IGF1: variants seen among roughly 807,000 people sequenced by gnomAD.
IGF1 encodes the protein insulin-like growth factor 1.
A neutral mutation model predicts 13.8 loss-of-function variants in IGF1; 4 were observed. The ratio of observed to expected loss-of-function variants is 0.29; its 90% CI spans 0.14 to 0.66. The LOEUF is 0.66. Among genes scored for constraint, IGF1 ranks in the 30% least tolerant of loss-of-function variants. The probability of loss-of-function intolerance (pLI) is 0.78; values close to 1 mark genes in which losing one functional copy is unlikely to be tolerated. For missense variants in IGF1, 124 were observed against 188.5 expected (o/e 0.66, Z 2.00); for synonymous variants, 76 against 72.6 (o/e 1.05, Z -0.23).
chr12:102,457,903 G>T (rs1359072335), intron 2 of IGF1, among the ~76,000 whole-genome samples: 1 of 152,130 alleles, frequency 6.6e-6, no homozygotes, highest in Admixed American at 6.5e-5. Flanking sequence ...TTAGTTTTCT[G>T]CTCTGGCTTT....
intron 2 of IGF1, among the ~76,000 whole-genome samples, chr12:102,421,901 T>C (rs575454134): frequency 1.3e-5 from 2 of 152,306 alleles, no homozygotes; most frequent in Non-Finnish European, 2.9e-5. Context: ...TTAACCTTCA[T>C]CTTGGGATGG....
chr12:102,447,126 AG>A (rs1878421339), intron 2 of IGF1, among the ~76,000 whole-genome samples: 1 of 152,140 alleles, frequency 6.6e-6, no homozygotes. Flanking sequence ...TCATTTGCTA[AG>A]GAGTGTTTTA....
intron 2 of IGF1, among the ~76,000 whole-genome samples, chr12:102,440,650 A>G (rs563043311): frequency 7.9e-5 from 12 of 152,164 alleles, no homozygotes; most frequent in Non-Finnish European, 1.6e-4. Flanking sequence ...TGGTAGCTGG[A>G]CTGCAGGTGA....
At chr12:102,409,548 G>A (rs1276004050) in intron 3 of IGF1, among the ~76,000 whole-genome samples, 2 of 152,292 alleles carry the variant, frequency 1.3e-5, no homozygotes, top group African/African-American at 4.8e-5. Flanking sequence ...TTCTCTACAA[G>A]GACAAATAGC....
chr12:102,435,079 C>T (rs1042823814), intron 2 of IGF1, among the ~76,000 whole-genome samples: 2 of 152,094 alleles, frequency 1.3e-5, no homozygotes, highest in African/African-American at 4.8e-5. Context: ...ATAGAATTTA[C>T]ATTATATTAG....
chr12:102,481,291 G>A (rs534544511), upstream of IGF1, among the ~76,000 whole-genome samples: 1 of 151,816 alleles, frequency 6.6e-6, no homozygotes, highest in African/African-American at 2.4e-5. Flanking sequence ...CTGGGAGAAG[G>A]GTACCTGGGG....
intron 3 of IGF1, among the ~76,000 whole-genome samples, chr12:102,408,532 C>T (rs989442960): frequency 3.3e-5 from 5 of 152,160 alleles, no homozygotes; most frequent in Admixed American, 2.6e-4. Flanking sequence ...ACTTACTGGA[C>T]ACAGTTTTGG....
chr12:102,474,165 A>T (rs1417386638), intron 2 of IGF1, among the ~76,000 whole-genome samples: 1 of 152,226 alleles, frequency 6.6e-6, no homozygotes, highest in African/African-American at 2.4e-5. Flanking sequence ...GGATCATGTG[A>T]TGTCCCACAG....
At chr12:102,452,287 AAAAG>A (rs1879029205) in intron 2 of IGF1, among the ~76,000 whole-genome samples, 1 of 151,122 alleles carries the variant, frequency 6.6e-6, no homozygotes, top group Non-Finnish European at 1.5e-5. Flanking sequence ...AAAAAAAAAA[AAAAG>A]ATATGTCTAC....
At chr12:102,402,615 A>T (rs1313198247) in intron 3 of IGF1, 49 bp from the exon 4 acceptor site, 1 of 779,384 alleles carries the variant, frequency 1.3e-6, no homozygotes, top group Non-Finnish European at 2.4e-6. Context: ...AGTTTTATGT[A>T]TCCATCTATT....
chr12:102,459,656 G>A (rs367868183), intron 2 of IGF1, among the ~76,000 whole-genome samples: 4 of 152,218 alleles, frequency 2.6e-5, no homozygotes, highest in African/African-American at 2.4e-5. Context: ...CAAGGTCACC[G>A]GCTAAAAACT....
intron 2 of IGF1, among the ~76,000 whole-genome samples, chr12:102,472,956 G>A (rs1021056870): frequency 1.3e-5 from 2 of 152,118 alleles, no homozygotes; most frequent in African/African-American, 2.4e-5. Context: ...CACAGTACTT[G>A]ACAACCTTAA....
intron 2 of IGF1, among the ~76,000 whole-genome samples, chr12:102,426,691 A>G (rs1295157500): frequency 6.6e-6 from 1 of 152,226 alleles, no homozygotes; most frequent in African/African-American, 2.4e-5. Context: ...CAAATAATCC[A>G]CTGGTTAAAA....
intron 2 of IGF1, among the ~76,000 whole-genome samples, chr12:102,439,301 C>A (rs773040443): frequency 6.6e-6 from 1 of 152,052 alleles, no homozygotes; most frequent in African/African-American, 2.4e-5. Context: ...CGGATTGATA[C>A]AAAATTGAGT....
intron 2 of IGF1, among the ~76,000 whole-genome samples, chr12:102,433,225 A>G (rs920490673): frequency 6.6e-6 from 1 of 152,178 alleles, no homozygotes; most frequent in African/African-American, 2.4e-5. Flanking sequence ...TCTCCTTTTT[A>G]TAAACATTTG....
At position 102,399,082 on chromosome 12, in the gene IGF1, G is replaced by A. The variant is rs1387984677; in HGVS notation, c.*3425C>T. On this transcript the variant is annotated 3_prime_UTR_variant, in exon 4 of 4. Coordinates refer to ENST00000337514, the MANE Select transcript of IGF1 (RefSeq NM_000618.5). ...TTTTCAAGGAAGTGATTTCTTTTCA[G>A]TATTCCATTGGATCCTTAGGGTGAA... The A allele has an allele frequency of 2.0e-5, 3 of 150,150 alleles. No homozygotes were observed. In the East Asian group the frequency reaches 5.9e-4, roughly 30 times the overall value. 9.3% of individuals were successfully genotyped at this position (150,150 alleles called of 1,614,324 possible). A position where few individuals can be genotyped will look rare whatever the true frequency, so the allele number is the denominator to read the frequency against.
chr12:102,469,478 C>T (rs897820875), intron 2 of IGF1, among the ~76,000 whole-genome samples: 25 of 152,156 alleles, frequency 1.6e-4, no homozygotes, highest in Non-Finnish European at 2.9e-4. Context: ...GGGTCTTGTA[C>T]AGCAGCAGCC....
intron 2 of IGF1, among the ~76,000 whole-genome samples, chr12:102,472,714 C>A (rs1048460647): frequency 1.3e-5 from 2 of 152,114 alleles, no homozygotes; most frequent in Non-Finnish European, 2.9e-5. Context: ...GCTGACTTCT[C>A]CACACACAGT....
chr12:102,478,509 T>C, intron 1 of IGF1: 3 of 1,611,342 alleles, frequency 1.9e-6, no homozygotes, highest in Non-Finnish European at 2.5e-6. Context: ...CATTTTTGTT[T>C]GTTCCAGGTC....
Sources: allele counts gnomAD v4.1 joint callset (sites outside exome capture counted in the v4.1 genomes callset), GRCh38; gene constraint gnomAD v4.1.1; transcripts MANE v1.5; gene names NCBI Gene and HGNC (gene_info 2026-07-23, HGNC 2026-07-21).